Variants in IL34 observed in about 807,000 individuals in gnomAD.
IL34 encodes interleukin-34.
A neutral mutation model predicts 25.3 loss-of-function variants in IL34; 17 were observed. That is an observed-to-expected ratio of 0.67 (90% CI 0.46 to 1.01). The LOEUF (loss-of-function observed/expected upper bound fraction) is 1.01. IL34 is among the 50% of genes least tolerant of loss of function. IL34 has a pLI of 0.00. For synonymous variants in IL34, 174 were observed against 140.9 expected, an observed-to-expected ratio of 1.23 and a Z score of -1.66; for missense variants, 368 against 312.9, an observed-to-expected ratio of 1.18 and a Z score of -1.33.
intron 1 of IL34, among the ~76,000 whole-genome samples, chr16:70,640,364 C>A (rs904762999): frequency 6.6e-6 from 1 of 152,150 alleles, no homozygotes; most frequent in South Asian, 2.1e-4. Context: ...CTTGTGTCAA[C>A]TGTAATCACA....
chr16:70,635,897 C>G (rs1343130066), intron 1 of IL34, among the ~76,000 whole-genome samples: 2 of 152,054 alleles, frequency 1.3e-5, no homozygotes, highest in African/African-American at 4.8e-5. Flanking sequence ...TTACATAGCC[C>G]TTTGAGGTCA....
chr16:70,619,622 T>C (rs2151835464), intron 1 of IL34, among the ~76,000 whole-genome samples: 1 of 152,220 alleles, frequency 6.6e-6, no homozygotes, highest in South Asian at 2.1e-4. Context: ...AGCCTCCGTA[T>C]TGATTAAGAA....
chr16:70,634,295 G>A (rs776005926), intron 1 of IL34, among the ~76,000 whole-genome samples: 4 of 150,840 alleles, frequency 2.7e-5, no homozygotes, highest in Non-Finnish European at 4.4e-5. Context: ...GATATGAACT[G>A]GGGGCAGGCA....
chr16:70,654,553 T>C lies in IL34; in HGVS notation c.44T>C (p.Leu15Pro). Residue 15 changes from leucine to proline, a missense_variant, in exon 2 of 6, where the codon CTT (leucine) becomes CCT (proline). Coordinates refer to ENST00000288098, the MANE Select transcript of IL34 (RefSeq NM_001393494.1). ...FTWLRYLGIF[L>P]GVALGNEPLE... ...TGGTCCACAGATCTTGGGATCTTCC[T>C]TGGCGTGGCCTTGGGGAATGAGCCT... The C allele has an allele frequency of 6.2e-7, 1 of 1,612,144 alleles. No homozygotes were observed. Among genetic ancestry groups the C allele is most frequent in the Non-Finnish European group, 8.5e-7 (1 of 1,178,622 alleles).
Position 70,654,346 on chromosome 16 carries a change from C to G in IL34, c.29-192C>G, listed in dbSNP as rs1054137612. ...GTGTGGACTCTCTGCACTGCTAGTGCCTGCCTGACCTTGCTGTTCTGGAGC... is the reference window on the plus strand; with the variant it reads ...GTGTGGACTCTCTGCACTGCTAGTGGCTGCCTGACCTTGCTGTTCTGGAGC... On this transcript the variant is annotated intron_variant, in intron 1 of 5. Transcript: ENST00000288098. 2.0e-5 allele frequency: 13 copies of G among 643,324 alleles called. No homozygotes were observed. In the Admixed American group the frequency reaches 2.2e-4, roughly 11 times the overall value. 39.9% of individuals were successfully genotyped at this position (643,324 alleles called of 1,614,324 possible).
intron 1 of IL34, among the ~76,000 whole-genome samples, chr16:70,627,081 G>C (rs2051410055): frequency 6.6e-6 from 1 of 152,192 alleles, no homozygotes; most frequent in East Asian, 1.9e-4. Flanking sequence ...TTCCACCTCA[G>C]CCTCCCAAAG....
intron 1 of IL34, among the ~76,000 whole-genome samples, chr16:70,605,968 G>GTTTT (rs1483071432): frequency 7.0e-4 from 87 of 123,690 alleles, no homozygotes; most frequent in African/African-American, 2.8e-3. Flanking sequence ...CACCGCACCT[G>GTTTT]GTTTTTTTTT....
intron 1 of IL34, among the ~76,000 whole-genome samples, chr16:70,611,842 T>TTAAA (rs547858093): frequency 0.059 from 8,935 of 151,524 alleles, 315 homozygotes; most frequent in Non-Finnish European, 0.07. Context: ...AGACTCTGTC[T>TTAAA]TAAATAAATA....
intron 1 of IL34, among the ~76,000 whole-genome samples, chr16:70,587,731 CAA>C (rs111712524): frequency 7.0e-6 from 1 of 142,642 alleles, no homozygotes; most frequent in Admixed American, 7.1e-5. Context: ...TGGCTGCTAT[CAA>C]AAAAAAAAAG....
intron 1 of IL34, among the ~76,000 whole-genome samples, chr16:70,630,890 T>C (rs1205464639): frequency 6.6e-6 from 1 of 152,190 alleles, no homozygotes; most frequent in African/African-American, 2.4e-5. Flanking sequence ...TCTTTATTCA[T>C]CTGCTGATGG....
intron 1 of IL34, among the ~76,000 whole-genome samples, chr16:70,619,007 G>A (rs2151834732): frequency 6.6e-6 from 1 of 152,212 alleles, no homozygotes; most frequent in Middle Eastern, 3.4e-3. Flanking sequence ...GGATAGGAGA[G>A]TATATGGGTT....
At chr16:70,619,642 C>T (rs919550493) in intron 1 of IL34, among the ~76,000 whole-genome samples, 20 of 152,180 alleles carry the variant, frequency 1.3e-4, no homozygotes, top group Non-Finnish European at 8.8e-5. Context: ...AGGGAAAGGG[C>T]TTACCTTCCA....
At chr16:70,635,690 C>T (rs1319029936) in intron 1 of IL34, among the ~76,000 whole-genome samples, 1 of 152,126 alleles carries the variant, frequency 6.6e-6, no homozygotes, top group African/African-American at 2.4e-5. Flanking sequence ...TCACAGACCT[C>T]TATTGATAGT....
chr16:70,592,253 AC>A (rs1230480820), intron 1 of IL34, among the ~76,000 whole-genome samples: 2 of 152,022 alleles, frequency 1.3e-5, no homozygotes, highest in East Asian at 3.9e-4. Flanking sequence ...GTGTCTTGTC[AC>A]AGGCAGGAAA....
intron 1 of IL34, among the ~76,000 whole-genome samples, chr16:70,603,342 C>T (rs1447148085): frequency 1.3e-5 from 2 of 151,960 alleles, no homozygotes; most frequent in South Asian, 4.1e-4. Flanking sequence ...TGCAGTGGTG[C>T]GATCTCGGCT....
At chr16:70,658,559 G>A (rs1011350529) in intron 4 of IL34, among the ~76,000 whole-genome samples, 38 of 151,936 alleles carry the variant, frequency 2.5e-4, no homozygotes, top group African/African-American at 7.7e-4. Flanking sequence ...TTGGCTCACT[G>A]CAACCTCCGT....
At chr16:70,654,282 C>T (rs2052156062) in intron 1 of IL34, 1 of 341,990 alleles carries the variant, frequency 2.9e-6, no homozygotes, top group Admixed American at 4.6e-5. Flanking sequence ...GACCCTGAGG[C>T]GTGCCTCCTG....
At chr16:70,587,613 A>G (rs1316310494) in intron 1 of IL34, among the ~76,000 whole-genome samples, 3 of 151,970 alleles carry the variant, frequency 2.0e-5, no homozygotes, top group Non-Finnish European at 2.9e-5. Context: ...CCTGCCGCCT[A>G]TAGGACCTTG....
chr16:70,644,750 G>C (rs1296140090), upstream of IL34, among the ~76,000 whole-genome samples: 10 of 143,520 alleles, frequency 7.0e-5, no homozygotes, highest in East Asian at 4.1e-4. Context: ...AGAGGAGGAG[G>C]GAGGAGGGAG....
Sources: gnomAD v4.1 joint callset for allele counts (sites outside exome capture counted in the v4.1 genomes callset) on GRCh38, gnomAD v4.1.1 for gene constraint, MANE v1.5 for transcripts, NCBI Gene and HGNC (gene_info 2026-07-23, HGNC 2026-07-21) for gene names.